Variants in NAA15 observed in about 807,000 individuals in gnomAD.
NAA15 encodes the protein N-alpha-acetyltransferase 15, NatA auxiliary subunit.
Under a neutral mutation model 114.0 loss-of-function variants are expected in NAA15, and 34 were observed. The observed-to-expected ratio is 0.30, with a 90% CI of 0.23 to 0.40. NAA15 has a LOEUF of 0.40. NAA15 is among the 10% of genes least tolerant of loss of function. NAA15 has a pLI of 1.00. For synonymous variants in NAA15, 340 were observed against 338.0 expected, an observed-to-expected ratio of 1.01 and a Z score of -0.06; for missense variants, 658 against 1,004.5, an observed-to-expected ratio of 0.66 and a Z score of 4.66.
At chr4:139,344,953 T>C (rs1747533764) in intron 6 of NAA15, among the ~76,000 whole-genome samples, 1 of 152,146 alleles carries the variant, frequency 6.6e-6, no homozygotes. Flanking sequence ...TTTTAGAAGT[T>C]GAGGGCGTGA....
Position 139,359,730 on chromosome 4 carries a change from TG to T in NAA15, c.1258-12del. On this transcript the variant is annotated splice_polypyrimidine_tract_variant and intron_variant, in intron 11 of 19. Coordinates refer to ENST00000296543, the MANE Select transcript of NAA15 (RefSeq NM_057175.5). ...CATGCTAACTGGTTTATTTTGCTTT[TG>T]TACCTTATAAGCATGCTGGAAATAT... 6.3e-7 allele frequency: 1 copy of T among 1,592,326 alleles called. No individual in the cohort carries two copies. The highest frequency in any genetic ancestry group is 8.5e-7 in the Non-Finnish European group (1 of 1,174,862).
At chr4:139,354,688 C>T (rs1184839144) in intron 10 of NAA15, among the ~76,000 whole-genome samples, 1 of 152,188 alleles carries the variant, frequency 6.6e-6, no homozygotes, top group African/African-American at 2.4e-5. Context: ...TCTCTTTACC[C>T]AGCACTCAGC....
chr4:139,379,907 T>C (rs1335937910), intron 17 of NAA15, among the ~76,000 whole-genome samples: 2 of 151,956 alleles, frequency 1.3e-5, no homozygotes, highest in Non-Finnish European at 2.9e-5. Context: ...TAGCCGGCCA[T>C]GGTGGCACAT....
At chr4:139,333,825 AGGT>A (rs1404942640) in intron 1 of NAA15, among the ~76,000 whole-genome samples, 4 of 152,262 alleles carry the variant, frequency 2.6e-5, no homozygotes, top group Non-Finnish European at 2.9e-5. Context: ...CCTTGGGCCC[AGGT>A]GGATATGGTC....
intron 13 of NAA15, 45 bp from the exon 14 acceptor site, chr4:139,361,679 C>T (rs1748135918): frequency 8.5e-7 from 1 of 1,178,630 alleles, no homozygotes; most frequent in Non-Finnish European, 1.2e-6. Flanking sequence ...GTTTTCTTAG[C>T]CATTGCTGTA....
At chr4:139,348,053 A>G (rs949543271) in intron 6 of NAA15, among the ~76,000 whole-genome samples, 3 of 152,154 alleles carry the variant, frequency 2.0e-5, no homozygotes, top group African/African-American at 7.2e-5. Flanking sequence ...AAAAAAAAAA[A>G]AAAGAAAGTT....
intron 1 of NAA15, among the ~76,000 whole-genome samples, chr4:139,303,474 A>G (rs1404706327): frequency 6.6e-6 from 1 of 152,176 alleles, no homozygotes; most frequent in Non-Finnish European, 1.5e-5. Flanking sequence ...GTATATATAC[A>G]TTTGTATAAA....
At chr4:139,333,320 T>C (rs1044804609) in intron 1 of NAA15, among the ~76,000 whole-genome samples, 2 of 152,236 alleles carry the variant, frequency 1.3e-5, no homozygotes, top group African/African-American at 4.8e-5. Flanking sequence ...ATTTGTCTTC[T>C]AGATTTCAAC....
chr4:139,331,787 T>C (rs868728197), intron 1 of NAA15, among the ~76,000 whole-genome samples: 6 of 152,212 alleles, frequency 3.9e-5, no homozygotes, highest in South Asian at 4.1e-4. Flanking sequence ...TTTTATAAAC[T>C]AGTACAGAAT....
chr4:139,332,892 T>C (rs1028602858), intron 1 of NAA15, among the ~76,000 whole-genome samples: 3 of 152,220 alleles, frequency 2.0e-5, no homozygotes, highest in African/African-American at 7.2e-5. Context: ...TCTTATATAG[T>C]CTTAATGTAT....
chr4:139,334,900 A>C (rs138657878), intron 2 of NAA15, among the ~76,000 whole-genome samples: 2 of 152,222 alleles, frequency 1.3e-5, no homozygotes, highest in African/African-American at 2.4e-5. Context: ...GTAATTCTCC[A>C]TTAGATTCCT....
intron 6 of NAA15, among the ~76,000 whole-genome samples, chr4:139,347,520 C>G (rs979750828): frequency 2.6e-5 from 4 of 152,116 alleles, no homozygotes; most frequent in Non-Finnish European, 5.9e-5. Context: ...CATCTGTAGT[C>G]CCAGCTATTC....
intron 14 of NAA15, among the ~76,000 whole-genome samples, chr4:139,369,241 A>T (rs533897867): frequency 6.6e-6 from 1 of 152,344 alleles, no homozygotes; most frequent in South Asian, 2.1e-4. Context: ...GCCAGGTTAG[A>T]GAAGGCATAA....
chr4:139,323,061 T>C (rs1485782194), intron 1 of NAA15, among the ~76,000 whole-genome samples: 27 of 147,664 alleles, frequency 1.8e-4, no homozygotes, highest in African/African-American at 5.4e-4. Context: ...TTCTTTTTTT[T>C]TTTTTTTTTT....
chr4:139,368,391 C>T (rs1311086191), intron 14 of NAA15, among the ~76,000 whole-genome samples: 2 of 152,124 alleles, frequency 1.3e-5, no homozygotes, highest in Admixed American at 1.3e-4. Context: ...GCCTCGTCAA[C>T]ATAGTGAGAC....
rs564568206 is a variant in NAA15, at chr4:139,316,396, G to C, written c.54+14565G>C. On this transcript the variant is annotated intron_variant, in intron 1 of 19. Coordinates refer to ENST00000296543, the MANE Select transcript of NAA15 (RefSeq NM_057175.5). ...TTTTCTATCTCTTTAGATCATATCT[G>C]TTCTCTCTAGGGCATCTTTTGTAAT... 2.0e-5 allele frequency among the ~76,000 whole-genome samples: 3 copies of C among 151,660 alleles called. No individual in the cohort carries two copies. The South Asian group carries it at 6.2e-4, about 32-fold the overall frequency.
intron 5 of NAA15, 143 bp downstream of exon 5, chr4:139,343,103 G>GC: frequency 1.6e-6 from 1 of 630,128 alleles, no homozygotes; most frequent in South Asian, 2.4e-5. Flanking sequence ...CTCTACATAG[G>GC]GGTTCATTCA....
Position 139,353,773 on chromosome 4 carries a change from A to C in NAA15, c.1015-253A>C, listed in dbSNP as rs17050745. 5.2e-3 allele frequency among the ~76,000 whole-genome samples: 798 copies of C among 152,228 alleles called. 6 individuals carry two copies. Among genetic ancestry groups the C allele is most frequent in the African/African-American group, 0.018 (758 of 41,538 alleles). ...CCACAATATTGCCTGTCTTTGTCCA[A>C]CTCTTCCTGATTTCTGGTTCAGCTG... On this transcript the variant is annotated intron_variant, in intron 9 of 19. Transcript: ENST00000296543.
At chr4:139,374,122 G>A (rs1225362212) in intron 15 of NAA15, among the ~76,000 whole-genome samples, 1 of 152,150 alleles carries the variant, frequency 6.6e-6, no homozygotes, top group Admixed American at 6.5e-5. Context: ...TGTGCTGGGA[G>A]TTGCTATGCT....
Sources: gnomAD v4.1 joint callset for allele counts (sites outside exome capture counted in the v4.1 genomes callset) on GRCh38, gnomAD v4.1.1 for gene constraint, MANE v1.5 for transcripts, NCBI Gene and HGNC (gene_info 2026-07-23, HGNC 2026-07-21) for gene names.